The following BEND4 variants were observed in gnomAD, a reference collection of about 807,000 sequenced individuals.
BEND4 encodes BEN domain-containing protein 4.
In BEND4, 27 loss-of-function variants were observed where a neutral mutation model predicts 54.7. The ratio of observed to expected loss-of-function variants is 0.49; its 90% CI spans 0.36 to 0.68. The LOEUF is 0.68. BEND4 is among the 30% of genes least tolerant of loss of function. BEND4 has a pLI of 0.00. For synonymous variants in BEND4, 327 were observed against 299.5 expected, an observed-to-expected ratio of 1.09 and a Z score of -0.95; for missense variants, 702 against 697.2, an observed-to-expected ratio of 1.01 and a Z score of -0.08.
chr4:42,129,842 C>A (rs1365531602), intron 3 of BEND4, among the ~76,000 whole-genome samples: 1 of 152,126 alleles, frequency 6.6e-6, no homozygotes, highest in Non-Finnish European at 1.5e-5. Context: ...GACATAGGCA[C>A]AAGCAAAGAT....
Position 42,151,863 on chromosome 4 carries a change from G to A in BEND4, c.281C>T (p.Ala94Val), listed in dbSNP as rs1721303862. ...CGGCGACGACGACGAAGCGGCGGCG[G>A]CGGCCCGGCCGGGCCCGGGGGGGTA... ...SSYPPGPGRAAAAASSSSPSC... is the reference protein window; with the variant it reads ...SSYPPGPGRAVAAASSSSPSC... Residue 94 changes from alanine (A) to valine (V), a missense_variant, in exon 2 of 6, where the codon GCC (alanine) becomes GTC (valine). Physicochemically the swap from Ala to Val is moderately conservative, Grantham distance 64. Transcript: ENST00000502486. 7.6e-7 allele frequency: 1 copy of A among 1,319,178 alleles called. No homozygotes were observed. The highest frequency in any genetic ancestry group is 9.6e-7 in the Non-Finnish European group (1 of 1,043,794). 81.7% of individuals were successfully genotyped at this position (1,319,178 alleles called of 1,614,324 possible).
rs982070468 is a variant in BEND4 at position 42,151,882 on chromosome 4, G to T, written c.262C>A (p.Pro88Thr). 5.4e-6 allele frequency: 7 copies of T among 1,305,574 alleles called. No homozygotes were observed. The highest frequency in any genetic ancestry group is 2.5e-5 in the South Asian group (1 of 39,978). The allele number at this position is 1,305,574 out of a possible 1,614,324, so 80.9% of individuals were successfully genotyped here. Residue 88 changes from proline (P) to threonine (T), a missense_variant, in exon 2 of 6, where the codon CCC (proline) becomes ACC (threonine). Coordinates refer to ENST00000502486, the MANE Select transcript of BEND4 (RefSeq NM_207406.4). ...GCGGCGGCGGCCCGGCCGGGCCCGGGGGGGTAGGAGCTCTGCGCCTGGAAC... is the reference window on the plus strand; with the variant it reads ...GCGGCGGCGGCCCGGCCGGGCCCGGTGGGGTAGGAGCTCTGCGCCTGGAAC... Reference protein sequence around the residue: ...QQFQAQSSYPPGPGRAAAAAS... With the variant: ...QQFQAQSSYPTGPGRAAAAAS...
rs1721331909 is a variant in BEND4 at position 42,152,263 on chromosome 4, GTGTC to G, written c.-124_-121del. ...CTGGTGCGCGCGTGTGGGAGGGTGT[GTGTC>G]TGTGCCGTGGCCGCCGCCGCCGCCG... On this transcript the variant is annotated 5_prime_UTR_variant, in exon 2 of 6. Transcript: ENST00000502486. 2.8e-6 allele frequency: 3 copies of G among 1,067,582 alleles called. No individual in the cohort carries two copies. The highest frequency in any genetic ancestry group is 9.3e-5 in the South Asian group (2 of 21,488). 66.1% of individuals were successfully genotyped at this position (1,067,582 alleles called of 1,614,324 possible). A position where few individuals can be genotyped will look rare whatever the true frequency, so the allele number is the denominator to read the frequency against.
chr4:42,143,781 T>G lies in BEND4; in HGVS notation c.701A>C (p.Gln234Pro). Residue 234 changes from glutamine (Q) to proline (P), a missense_variant, in exon 3 of 6, where the codon CAG (glutamine) becomes CCG (proline). Transcript: ENST00000502486. ...QTSDNVDIEMQYMQRKQQTSA... is the reference protein window; with the variant it reads ...QTSDNVDIEMPYMQRKQQTSA... Reference sequence around the variant, plus strand: ...AGTTTGTTGTTTCCTTTGCATATACTGCATCTCTATGTCTACATTGTCTGA... The same window carrying G: ...AGTTTGTTGTTTCCTTTGCATATACGGCATCTCTATGTCTACATTGTCTGA... 3 of 1,612,330 alleles carry G rather than the reference T, an allele frequency of 1.9e-6. No homozygotes were observed. The highest frequency in any genetic ancestry group is 2.5e-6 in the Non-Finnish European group (3 of 1,178,988).
chr4:42,117,294 A>G lies in BEND4; in HGVS notation c.*224T>C, dbSNP rs997893219. 1.1e-4 allele frequency: 51 copies of G among 454,978 alleles called. No homozygotes were observed. Among genetic ancestry groups the G allele is most frequent in the Non-Finnish European group, 1.9e-4 (49 of 260,138 alleles). 28.2% of individuals were successfully genotyped at this position (454,978 alleles called of 1,614,324 possible). A position where few individuals can be genotyped will look rare whatever the true frequency, so the allele number is the denominator to read the frequency against. On this transcript the variant is annotated 3_prime_UTR_variant, in exon 6 of 6. Coordinates refer to ENST00000502486, the MANE Select transcript of BEND4 (RefSeq NM_207406.4). The stretch of plus-strand genomic sequence containing the variant: ...TAGCTAGTAATCATTTAAAAATCAG[A>G]TGTAGTTTTTTCTTTTTATAATATA...
rs1229481310 is a variant in BEND4 at position 42,151,936 on chromosome 4, T to C, written c.208A>G (p.Ile70Val). The C allele has an allele frequency of 4.8e-6, 6 of 1,253,142 alleles. No homozygotes were observed. Among genetic ancestry groups the C allele is most frequent in the Non-Finnish European group, 6.0e-6 (6 of 998,458 alleles). 77.6% of individuals were successfully genotyped at this position (1,253,142 alleles called of 1,614,324 possible). A position where few individuals can be genotyped will look rare whatever the true frequency, so the allele number is the denominator to read the frequency against. The change falls in exon 2 of 6, where the codon ATC (isoleucine) becomes GTC (valine). Residue 70 changes from isoleucine to valine, a missense_variant. By Grantham distance (29) the Ile-to-Val change is conservative. Coordinates refer to ENST00000502486, the MANE Select transcript of BEND4 (RefSeq NM_207406.4). ...TGCGGCGGCGGCTCGCTGCTGCTGA[T>C]GGAGACGGCGGCGTGCGGCGCGAAG... is the stretch of plus-strand genomic sequence containing the variant. ...PPFAPHAAVS[I>V]SSSEPPPQQF... is the part of the protein sequence containing the mutation.
intron 2 of BEND4, 174 bp downstream of exon 2, chr4:42,151,483 C>T (rs1721279720): frequency 3.3e-6 from 2 of 607,108 alleles, no homozygotes; most frequent in African/African-American, 1.9e-5. Context: ...GGCGCGGCGG[C>T]GCTGGAGAAT....
chr4:42,121,776 G>C (rs1339380512), intron 4 of BEND4, among the ~76,000 whole-genome samples: 1 of 152,184 alleles, frequency 6.6e-6, no homozygotes, highest in East Asian at 1.9e-4. Flanking sequence ...AGAGAGGTGG[G>C]AGTGAAAGCT....
intron 2 of BEND4, chr4:42,151,054 A>AGGGACAGAGC (rs1721253601): frequency 6.6e-6 from 1 of 152,180 alleles, no homozygotes; most frequent in Admixed American, 6.5e-5. Flanking sequence ...GGGAAGGAAA[A>AGGGACAGAGC]GGGACAGAGC....
chr4:42,129,113 A>C (rs1198942594), intron 3 of BEND4, among the ~76,000 whole-genome samples: 1 of 152,142 alleles, frequency 6.6e-6, no homozygotes, highest in Non-Finnish European at 1.5e-5. Flanking sequence ...TGCAAAAATC[A>C]AACAAGCATT....
Position 42,151,980 on chromosome 4 carries a change from G to T in BEND4, c.164C>A (p.Pro55His). 1 of 1,253,132 alleles carries T rather than the reference G, an allele frequency of 8.0e-7. No individual in the cohort carries two copies. Among genetic ancestry groups the T allele is most frequent in the African/African-American group, 1.6e-5 (1 of 64,326 alleles). The allele number at this position is 1,253,132 out of a possible 1,614,324, so 77.6% of individuals were successfully genotyped here. The part of the protein sequence containing the change: ...TLVELPHVRA[P>H]PPPPPPFAPH... Reference sequence around the variant, plus strand: ...CGCGAAGGGCGGCGGGGGCGGCGGGGGCGCCCGCACGTGCGGCAGCTCCAC... The same window carrying T: ...CGCGAAGGGCGGCGGGGGCGGCGGGTGCGCCCGCACGTGCGGCAGCTCCAC... The change falls in exon 2 of 6, where the codon CCC (proline) becomes CAC (histidine). Residue 55 changes from proline (P) to histidine (H), a missense_variant. Transcript: ENST00000502486.
At position 42,144,010 on chromosome 4, in the gene BEND4, G is replaced by A. The variant is rs1720990769; in HGVS notation, c.488-16C>T. ...ATTCGACTCTCTGAAACAAATGAAAGGACACATCAGTGACCAACAGCCAAC... is the reference window on the plus strand; with the variant it reads ...ATTCGACTCTCTGAAACAAATGAAAAGACACATCAGTGACCAACAGCCAAC... On this transcript the variant is annotated splice_polypyrimidine_tract_variant and intron_variant, in intron 2 of 5. Coordinates refer to ENST00000502486, the MANE Select transcript of BEND4 (RefSeq NM_207406.4). 6.3e-7 allele frequency: 1 copy of A among 1,575,602 alleles called. No homozygotes were observed. The highest frequency in any genetic ancestry group is 8.6e-7 in the Non-Finnish European group (1 of 1,158,900).
intron 2 of BEND4, among the ~76,000 whole-genome samples, chr4:42,150,827 G>A (rs577681324): frequency 6.8e-4 from 104 of 152,334 alleles, no homozygotes; most frequent in African/African-American, 2.5e-3. Context: ...AGGCGTTTCT[G>A]TAAGGCTCGG....
At chr4:42,145,103 GCT>G (rs1224891310) in intron 2 of BEND4, among the ~76,000 whole-genome samples, 1 of 152,176 alleles carries the variant, frequency 6.6e-6, no homozygotes, top group Non-Finnish European at 1.5e-5. Context: ...ACTAGCACTA[GCT>G]CTCTCTGAAA....
intron 3 of BEND4, among the ~76,000 whole-genome samples, chr4:42,136,163 T>C (rs1040191835): frequency 6.6e-6 from 1 of 152,198 alleles, no homozygotes; most frequent in African/African-American, 2.4e-5. Context: ...GAAACCGACC[T>C]AAGCATTTTC....
In BEND4 at chr4:42,113,966, T is replaced by C. The variant is rs1191385698; in HGVS notation, c.*3552A>G. ...GGTGGAATGAGGAAAACCAAAAAAG[T>C]GATGCGCGGGTTCAAGGGCTAGAGG... On this transcript the variant is annotated 3_prime_UTR_variant, in exon 6 of 6. Coordinates refer to ENST00000502486, the MANE Select transcript of BEND4 (RefSeq NM_207406.4). The C allele has an allele frequency of 1.3e-5, 2 of 152,124 alleles. No homozygotes were observed. The highest frequency in any genetic ancestry group is 1.3e-4 in the Admixed American group (2 of 15,266). The allele number at this position is 152,124 out of a possible 1,614,324, so 9.4% of individuals were successfully genotyped here.
In BEND4 at chr4:42,112,474, CA is replaced by C. The variant is rs1169929301; in HGVS notation, c.*5043del. ...ATTATTCCAAGAATAAAGAGGTTTT[CA>C]AATGAGTCTTACTAGCAAGACATGC... On this transcript the variant is annotated 3_prime_UTR_variant, in exon 6 of 6. Coordinates refer to ENST00000502486, the MANE Select transcript of BEND4 (RefSeq NM_207406.4). The C allele has an allele frequency of 2.0e-5, 3 of 152,166 alleles. No homozygotes were observed. The highest frequency in any genetic ancestry group is 6.5e-5 in the Admixed American group (1 of 15,270). 9.4% of individuals were successfully genotyped at this position (152,166 alleles called of 1,614,324 possible). A position where few individuals can be genotyped will look rare whatever the true frequency, so the allele number is the denominator to read the frequency against.
At chr4:42,124,752 G>A (rs1720208280) in intron 4 of BEND4, among the ~76,000 whole-genome samples, 1 of 152,158 alleles carries the variant, frequency 6.6e-6, no homozygotes, top group African/African-American at 2.4e-5. Context: ...AAAAAATGAG[G>A]TCACCATTCA....
At chr4:42,123,306 A>C (rs537092013) in intron 4 of BEND4, among the ~76,000 whole-genome samples, 1 of 152,258 alleles carries the variant, frequency 6.6e-6, no homozygotes, top group South Asian at 2.1e-4. Flanking sequence ...TCTTATGTAG[A>C]TATTTCCCCT....
Sources: allele counts gnomAD v4.1 joint callset (sites outside exome capture counted in the v4.1 genomes callset), GRCh38; gene constraint gnomAD v4.1.1; transcripts MANE v1.5; gene names NCBI Gene and HGNC (gene_info 2026-07-23, HGNC 2026-07-21).